SULT1E1: variants seen among roughly 807,000 people sequenced by gnomAD.
SULT1E1 encodes the protein sulfotransferase family 1E member 1.
Under a neutral mutation model 33.6 loss-of-function variants are expected in SULT1E1, and 36 were observed. That is an observed-to-expected ratio of 1.07 (90% CI 0.82 to 1.41). The LOEUF (loss-of-function observed/expected upper bound fraction) is 1.41, where lower values mean the gene tolerates loss of function less well. SULT1E1 is among the 40% of genes most tolerant of loss of function. SULT1E1 has a pLI of 0.00. For missense variants in SULT1E1, 371 were observed against 345.7 expected (o/e 1.07, Z -0.58); for synonymous variants, 121 against 111.7 (o/e 1.08, Z -0.53).
At chr4:69,827,358 T>G in the SULT1E1 span, among the ~76,000 whole-genome samples, 2 of 152,160 alleles carry the variant, frequency 1.3e-5, no homozygotes, top group African/African-American at 4.8e-5. Flanking sequence ...GTCCCCAGTA[T>G]GGATCCCCAC....
chr4:69,848,648 A>G lies in SULT1E1; in HGVS notation c.496+789T>C, dbSNP rs565551302. ...CAATCTTAAGACATATGTATTACTC[A>G]TTATGCTTTAGCAAAAATTTTCCCA... On this transcript the variant is annotated intron_variant, in intron 5 of 7. Coordinates refer to ENST00000226444, the MANE Select transcript of SULT1E1 (RefSeq NM_005420.3). Among the ~76,000 whole-genome samples, 15 of 142,756 alleles carry G rather than the reference A, an allele frequency of 1.1e-4. No homozygotes were observed. The East Asian group carries it at 2.8e-3, about 27-fold the overall frequency. The allele number at this position is 142,756 out of a possible 152,430, so 93.7% of individuals were successfully genotyped here. A position where few individuals can be genotyped will look rare whatever the true frequency, so the allele number is the denominator to read the frequency against.
Position 69,842,053 on chromosome 4 carries a change from C to A in SULT1E1, c.826G>T (p.Asp276Tyr). The A allele has an allele frequency of 6.2e-7, 1 of 1,611,966 alleles. No individual in the cohort carries two copies. Among genetic ancestry groups the A allele is most frequent in the Non-Finnish European group, 8.5e-7 (1 of 1,179,304 alleles). ...TTCATTTGCTGCTCATAATGTTTAT[C>A]AAATTTTTCATTCAGGGCTACTGTA... ...HFTVALNEKF[D>Y]KHYEQQMKES... is the part of the protein sequence containing the mutation. Residue 276 changes from aspartate (D) to tyrosine (Y), a missense_variant, in exon 8 of 8, where the codon GAT becomes TAT. By Grantham distance (160) the Asp-to-Tyr change is radical. Coordinates refer to ENST00000226444, the MANE Select transcript of SULT1E1 (RefSeq NM_005420.3).
At chr4:69,854,085 T>C (rs1178034520) in intron 4 of SULT1E1, 132 bp downstream of exon 4, 1 of 541,734 alleles carries the variant, frequency 1.8e-6, no homozygotes, top group Non-Finnish European at 3.1e-6. Flanking sequence ...ATATTGACTG[T>C]ATTTATTCCA....
intron 3 of SULT1E1, 120 bp downstream of exon 3, chr4:69,855,181 G>A (rs1293134307): frequency 3.0e-6 from 3 of 1,012,036 alleles, no homozygotes; most frequent in Non-Finnish European, 4.2e-6. Flanking sequence ...TTTATATGCT[G>A]TCTTATGTAG....
At chr4:69,840,091 G>A (rs1720855836), downstream of SULT1E1, among the ~76,000 whole-genome samples, 1 of 152,044 alleles carries the variant, frequency 6.6e-6, no homozygotes, top group Non-Finnish European at 1.5e-5. Context: ...CATAAAAAAT[G>A]TAAAACAATT....
the SULT1E1 span, among the ~76,000 whole-genome samples, chr4:69,823,652 A>G: frequency 1.3e-5 from 2 of 152,168 alleles, no homozygotes; most frequent in African/African-American, 4.8e-5. Flanking sequence ...CCAGCAGTTA[A>G]AAGTCCTCTT....
chr4:69,834,451 C>T, the SULT1E1 span, among the ~76,000 whole-genome samples: 1 of 152,164 alleles, frequency 6.6e-6, no homozygotes, highest in Non-Finnish European at 1.5e-5. Flanking sequence ...ATTTTCTGAT[C>T]TATTCATGTA....
At chr4:69,846,361 A>G (rs1457104483) in intron 6 of SULT1E1, among the ~76,000 whole-genome samples, 2 of 149,592 alleles carry the variant, frequency 1.3e-5, no homozygotes, top group African/African-American at 2.4e-5. Context: ...TCAAATTATT[A>G]TCTTCTCTAC....
chr4:69,824,329 T>G, the SULT1E1 span, among the ~76,000 whole-genome samples: 1 of 152,106 alleles, frequency 6.6e-6, no homozygotes, highest in Non-Finnish European at 1.5e-5. Context: ...TGGGTTAGGA[T>G]CCCTATGGCC....
chr4:69,828,517 C>G, the SULT1E1 span, among the ~76,000 whole-genome samples: 1 of 152,156 alleles, frequency 6.6e-6, no homozygotes, highest in Non-Finnish European at 1.5e-5. Flanking sequence ...AAGGAAGAAA[C>G]TCTGGACACA....
At position 69,841,990 on chromosome 4, in the gene SULT1E1, C is replaced by G; in HGVS notation, c.*4G>C. 6.6e-7 allele frequency: 1 copy of G among 1,518,006 alleles called. No individual in the cohort carries two copies. The highest frequency in any genetic ancestry group is 1.4e-5 in the African/African-American group (1 of 71,964). The allele number at this position is 1,518,006 out of a possible 1,614,324, so 94.0% of individuals were successfully genotyped here. On this transcript the variant is annotated 3_prime_UTR_variant, in exon 8 of 8. Coordinates refer to ENST00000226444, the MANE Select transcript of SULT1E1 (RefSeq NM_005420.3). The stretch of plus-strand genomic sequence containing the variant: ...TCAGATATGTTAAGTAAAGAAAGAC[C>G]TTCTTAGATCTCAGTTCGAAACTTC...
the SULT1E1 span, among the ~76,000 whole-genome samples, chr4:69,832,003 G>T: frequency 6.6e-6 from 1 of 152,174 alleles, no homozygotes; most frequent in African/African-American, 2.4e-5. Flanking sequence ...CATGTCAGTT[G>T]GGGTATAAGT....
intron 5 of SULT1E1, among the ~76,000 whole-genome samples, chr4:69,848,872 C>T (rs146529237): frequency 7.9e-5 from 12 of 151,838 alleles, no homozygotes; most frequent in Admixed American, 2.0e-4. Flanking sequence ...TTAATAAAAA[C>T]GAAAAATTTT....
the SULT1E1 span, among the ~76,000 whole-genome samples, chr4:69,833,634 G>A: frequency 6.6e-6 from 1 of 152,146 alleles, no homozygotes; most frequent in Non-Finnish European, 1.5e-5. Flanking sequence ...AGCTTAAGTA[G>A]CACATGCCTT....
chr4:69,854,343 A>T, intron 3 of SULT1E1, 29 bp from the exon 4 acceptor site: 1 of 1,457,996 alleles, frequency 6.9e-7, no homozygotes, highest in Non-Finnish European at 9.5e-7. Flanking sequence ...AAGGTTAAGC[A>T]ACTTCAAAAA....
the SULT1E1 span, among the ~76,000 whole-genome samples, chr4:69,824,453 A>T: frequency 1.8e-4 from 28 of 152,310 alleles, no homozygotes; most frequent in South Asian, 2.1e-4. Context: ...TCTCCTGGTC[A>T]GTCTCCCAGA....
chr4:69,854,932 T>A (rs113575380), intron 3 of SULT1E1, among the ~76,000 whole-genome samples: 1 of 152,106 alleles, frequency 6.6e-6, no homozygotes, highest in Non-Finnish European at 1.5e-5. Flanking sequence ...TTTCCAATTT[T>A]CCACAATATT....
At chr4:69,846,317 AAAAAAG>A (rs1278485071) in intron 6 of SULT1E1, among the ~76,000 whole-genome samples, 6 of 149,250 alleles carry the variant, frequency 4.0e-5, no homozygotes, top group African/African-American at 7.3e-5. Flanking sequence ...AAAAAAAAAA[AAAAAAG>A]AAAAGAAAAG....
At chr4:69,826,448 T>C in the SULT1E1 span, among the ~76,000 whole-genome samples, 4 of 152,146 alleles carry the variant, frequency 2.6e-5, no homozygotes, top group Non-Finnish European at 5.9e-5. Context: ...GGAAAACTAG[T>C]GTTTCTGCTG....
Sources: gnomAD v4.1 joint callset for allele counts (sites outside exome capture counted in the v4.1 genomes callset) on GRCh38, gnomAD v4.1.1 for gene constraint, MANE v1.5 for transcripts, NCBI Gene and HGNC (gene_info 2026-07-23, HGNC 2026-07-21) for gene names.